RBM48: variants seen among roughly 807,000 people sequenced by gnomAD.
RBM48 encodes RNA-binding protein 48.
RBM48 carries 32 observed loss-of-function variants against 34.8 expected under a neutral mutation model. The observed-to-expected ratio is 0.92, with a 90% CI of 0.69 to 1.23. The LOEUF (loss-of-function observed/expected upper bound fraction) is 1.23, where lower values mean the gene tolerates loss of function less well. Ranked by LOEUF, RBM48 falls within the 50% of genes most tolerant of loss-of-function variation. The pLI, the probability that RBM48 is intolerant of heterozygous loss-of-function variation, is 0.00. For synonymous variants in RBM48, 151 were observed against 156.2 expected, an observed-to-expected ratio of 0.97 and a Z score of 0.25; for missense variants, 441 against 447.2, an observed-to-expected ratio of 0.99 and a Z score of 0.12.
rs1793748862 is a variant in RBM48 at position 92,537,447 on chromosome 7, T to C, written c.*510T>C. On this transcript the variant is annotated 3_prime_UTR_variant, in exon 5 of 5. Coordinates refer to ENST00000265732, the MANE Select transcript of RBM48 (RefSeq NM_032120.4). ...TAACATTATCTCTCATGTACAGTAA[T>C]TATATGTAAATTAATTGAAGCAAAT... is the stretch of plus-strand genomic sequence containing the variant. The C allele has an allele frequency of 6.6e-6, 1 of 152,180 alleles. No individual in the cohort carries two copies. The highest frequency in any genetic ancestry group is 6.6e-5 in the Admixed American group (1 of 15,266). The allele number at this position is 152,180 out of a possible 1,614,324, so 9.4% of individuals were successfully genotyped here.
chr7:92,536,139 G>A (rs1053482909), intron 4 of RBM48: 1 of 984,928 alleles, frequency 1.0e-6, no homozygotes, highest in Non-Finnish European at 1.2e-6. Context: ...CAAAAAAAAA[G>A]GTTTTCAGTT....
chr7:92,534,292 A>G (rs1267387100), intron 3 of RBM48, 110 bp from the exon 4 acceptor site: 5 of 1,397,100 alleles, frequency 3.6e-6, no homozygotes, highest in Non-Finnish European at 4.9e-6. Flanking sequence ...TTTGGAGTAG[A>G]ATTTGTTAAC....
chr7:92,535,013 T>C (rs1793676922), intron 4 of RBM48, 43 bp downstream of exon 4: 20 of 1,602,996 alleles, frequency 1.2e-5, no homozygotes, highest in Non-Finnish European at 1.7e-5. Context: ...ACGATTTGGT[T>C]ATAGGATTAA....
At position 92,539,443 on chromosome 7, in the gene RBM48, T is replaced by G. The variant is rs1793806317; in HGVS notation, c.*2506T>G. ...TATTTTGGGCACAGTGGCTCATGCCTATAATCCCAGCACTTTGGGAGGCCA... is the reference window on the plus strand; with the variant it reads ...TATTTTGGGCACAGTGGCTCATGCCGATAATCCCAGCACTTTGGGAGGCCA... On this transcript the variant is annotated 3_prime_UTR_variant, in exon 5 of 5. Transcript: ENST00000265732. Among the ~76,000 whole-genome samples the G allele has an allele frequency of 6.6e-6, 1 of 152,258 alleles. No homozygotes were observed. The highest frequency in any genetic ancestry group is 2.4e-5 in the African/African-American group (1 of 41,476).
Position 92,536,905 on chromosome 7 carries a change from AG to A in RBM48, c.1073del (p.Ser358IlefsTer4). 1 of 1,609,912 alleles carries A rather than the reference AG, an allele frequency of 6.2e-7. No individual in the cohort carries two copies. Among genetic ancestry groups the A allele is most frequent in the African/African-American group, 1.3e-5 (1 of 74,812 alleles). On this transcript the variant is annotated frameshift_variant, in exon 5 of 5. Coordinates refer to ENST00000265732, the MANE Select transcript of RBM48 (RefSeq NM_032120.4). LOFTEE classifies it high-confidence loss of function. ...PEDKPEDVHT[S>X]HPLKQRRRI Reference sequence around the variant, plus strand: ...GGACAAGCCAGAAGATGTACATACAAGTCATCCATTAAAACAAAGAAGAAGA... The same window carrying A: ...GGACAAGCCAGAAGATGTACATACAATCATCCATTAAAACAAAGAAGAAGA...
intron 3 of RBM48, 107 bp from the exon 4 acceptor site, chr7:92,534,295 T>C (rs1793647328): frequency 7.1e-7 from 1 of 1,400,980 alleles, no homozygotes; most frequent in Non-Finnish European, 9.7e-7. Context: ...GGAGTAGAAT[T>C]TGTTAACATT....
chr7:92,534,767 G>A lies in RBM48; in HGVS notation c.814G>A (p.Asp272Asn). The A allele has an allele frequency of 6.2e-7, 1 of 1,614,096 alleles. No homozygotes were observed. The highest frequency in any genetic ancestry group is 1.1e-5 in the South Asian group (1 of 91,060). ...GGCTATTACGTCTTCAGAGGCAGTT[G>A]ACAGATTTATGCCTAGGACAACACA... The part of the protein sequence containing the change: ...QKAITSSEAV[D>N]RFMPRTTQLQ... The change falls in exon 4 of 5, where the codon GAC becomes AAC. Residue 272 changes from aspartate to asparagine, a missense_variant. Asp to Asn is a conservative substitution (Grantham distance 23). Transcript: ENST00000265732.
chr7:92,529,090 C>A, intron 1 of RBM48, 166 bp downstream of exon 1: 1 of 654,374 alleles, frequency 1.5e-6, no homozygotes, highest in Non-Finnish European at 2.7e-6. Context: ...ATTCTCACGA[C>A]GCCTTTGGTC....
chr7:92,534,839 ACTTTT>A lies in RBM48; in HGVS notation c.890_894del (p.Phe297SerfsTer7). On this transcript the variant is annotated frameshift_variant, in exon 4 of 5. Transcript: ENST00000265732. LOFTEE classifies it high-confidence loss of function. ...AAGAGAAGATGATCGTAAACTTGGA[ACTTTT>A]CTTCAAACAAACCCAACTGGTAATG... The A allele has an allele frequency of 6.2e-7, 1 of 1,614,170 alleles. No homozygotes were observed. The highest frequency in any genetic ancestry group is 8.5e-7 in the Non-Finnish European group (1 of 1,180,018).
chr7:92,528,968 G>T, intron 1 of RBM48, 44 bp downstream of exon 1: 1 of 1,368,944 alleles, frequency 7.3e-7, no homozygotes, highest in South Asian at 1.2e-5. Flanking sequence ...GTAGCTTTAT[G>T]TGAGTGCTAG....
At position 92,538,396 on chromosome 7, in the gene RBM48, A is replaced by G. The variant is rs374769479; in HGVS notation, c.*1459A>G. ...GTCGGTTGGTTTTGCCACTGGCTCC[A>G]TTCCTGTTGTTTTTCAGCTTTTACT... is the stretch of plus-strand genomic sequence containing the variant. On this transcript the variant is annotated 3_prime_UTR_variant, in exon 5 of 5. Coordinates refer to ENST00000265732, the MANE Select transcript of RBM48 (RefSeq NM_032120.4). Among the ~76,000 whole-genome samples the G allele has an allele frequency of 9.2e-5, 14 of 152,148 alleles. No individual in the cohort carries two copies. Among genetic ancestry groups the G allele is most frequent in the South Asian group, 6.2e-4 (3 of 4,824 alleles).
At chr7:92,529,337 A>T in intron 1 of RBM48, 139 bp from the exon 2 acceptor site, 1 of 598,998 alleles carries the variant, frequency 1.7e-6, no homozygotes, top group Non-Finnish European at 2.9e-6. Context: ...GAATGGCAGA[A>T]ATTTCATTTT....
At position 92,539,455 on chromosome 7, in the gene RBM48, A is replaced by G. The variant is rs1054033808; in HGVS notation, c.*2518A>G. ...AGTGGCTCATGCCTATAATCCCAGC[A>G]CTTTGGGAGGCCAAGGTGGGAGGAT... is the stretch of plus-strand genomic sequence containing the variant. On this transcript the variant is annotated 3_prime_UTR_variant, in exon 5 of 5. Coordinates refer to ENST00000265732, the MANE Select transcript of RBM48 (RefSeq NM_032120.4). Among the ~76,000 whole-genome samples, 2 of 152,214 alleles carry G rather than the reference A, an allele frequency of 1.3e-5. No homozygotes were observed. The highest frequency in any genetic ancestry group is 2.9e-5 in the Non-Finnish European group (2 of 68,036).
intron 4 of RBM48, 30 bp downstream of exon 4, chr7:92,535,000 G>T (rs1189437627): frequency 1.2e-6 from 2 of 1,609,776 alleles, no homozygotes; most frequent in Admixed American, 3.4e-5. Context: ...ACTATTCTAA[G>T]ACACGATTTG....
chr7:92,534,773 T>G lies in RBM48; in HGVS notation c.820T>G (p.Phe274Val). ...AITSSEAVDR[F>V]MPRTTQLQER... ...TACGTCTTCAGAGGCAGTTGACAGA[T>G]TTATGCCTAGGACAACACAACTGCA... Residue 274 changes from phenylalanine (F) to valine (V), a missense_variant, in exon 4 of 5, where the codon TTT (phenylalanine) becomes GTT (valine). Transcript: ENST00000265732. 6.2e-7 allele frequency: 1 copy of G among 1,614,136 alleles called. No homozygotes were observed. Among genetic ancestry groups the G allele is most frequent in the Non-Finnish European group, 8.5e-7 (1 of 1,180,018 alleles).
Position 92,534,447 on chromosome 7 carries a change from CAG to C in RBM48, c.497_498del (p.Glu166GlyfsTer3), listed in dbSNP as rs1793651893. 12 of 1,613,798 alleles carry C rather than the reference CAG, an allele frequency of 7.4e-6. No homozygotes were observed. Among genetic ancestry groups the C allele is most frequent in the Non-Finnish European group, 1.0e-5 (12 of 1,179,844 alleles). ...AAATTGGTTACAGAGCATAAAGACA[CAG>C]AGGATTTTAGACAAGACTTCCACTC... On this transcript the variant is annotated frameshift_variant, in exon 4 of 5. Transcript: ENST00000265732. LOFTEE classifies it high-confidence loss of function.
Position 92,534,979 on chromosome 7 carries a change from A to G in RBM48, c.1017+9A>G. Reference sequence around the variant, plus strand: ...GGCATAAACTTAAAGAGGTAAGGTTATTTTTAAAAAACTATTCTAAGACAC... The same window carrying G: ...GGCATAAACTTAAAGAGGTAAGGTTGTTTTTAAAAAACTATTCTAAGACAC... On this transcript the variant is annotated intron_variant, in intron 4 of 4. Coordinates refer to ENST00000265732, the MANE Select transcript of RBM48 (RefSeq NM_032120.4). 6.2e-7 allele frequency: 1 copy of G among 1,613,750 alleles called. No homozygotes were observed.
chr7:92,536,129 C>CA (rs943004493), intron 4 of RBM48: 172 of 963,352 alleles, frequency 1.8e-4, no homozygotes, highest in African/African-American at 9.1e-4. Context: ...GACCCTGTCT[C>CA]AAAAAAAAAG....
intron 3 of RBM48, among the ~76,000 whole-genome samples, chr7:92,533,981 A>AAC (rs1793638799): frequency 6.6e-6 from 1 of 151,968 alleles, no homozygotes; most frequent in African/African-American, 2.4e-5. Context: ...AAAAAAAAAA[A>AAC]AAAAAAAACC....
Sources: allele counts gnomAD v4.1 joint callset (sites outside exome capture counted in the v4.1 genomes callset), GRCh38; gene constraint gnomAD v4.1.1; transcripts MANE v1.5; gene names NCBI Gene and HGNC (gene_info 2026-07-23, HGNC 2026-07-21).